The following CAGE1 variants were observed in gnomAD, a reference collection of about 807,000 sequenced individuals.
The protein encoded by CAGE1 is cancer antigen 1, also known as cancer-associated gene 1 protein.
CAGE1 carries 66 observed loss-of-function variants against 94.9 expected under a neutral mutation model. That is an observed-to-expected ratio of 0.70 (90% confidence interval 0.57 to 0.85). CAGE1 has a LOEUF of 0.85. Among genes scored for constraint, CAGE1 ranks in the 40% least tolerant of loss-of-function variants. CAGE1 has a pLI of 0.00. For missense variants in CAGE1, 865 were observed against 950.4 expected (o/e 0.91, Z 1.18); for synonymous variants, 319 against 321.0 (o/e 0.99, Z 0.07).
intron 7 of CAGE1, among the ~76,000 whole-genome samples, chr6:7,366,434 T>C (rs1470031586): frequency 6.6e-6 from 1 of 152,168 alleles, no homozygotes; most frequent in Non-Finnish European, 1.5e-5. Flanking sequence ...CAGAAAGTTT[T>C]CCACCATTCT....
At chr6:7,383,327 A>G (rs190768371) in intron 3 of CAGE1, among the ~76,000 whole-genome samples, 78 of 152,356 alleles carry the variant, frequency 5.1e-4, no homozygotes, top group African/African-American at 1.8e-3. Flanking sequence ...CACTTCTTTT[A>G]TAAGTTAGAA....
chr6:7,357,434 A>C (rs957397621), intron 9 of CAGE1, among the ~76,000 whole-genome samples: 3 of 152,134 alleles, frequency 2.0e-5, no homozygotes, highest in Non-Finnish European at 4.4e-5. Flanking sequence ...GCAATGTGGA[A>C]TTCCTTCTCA....
At position 7,342,011 on chromosome 6, in the gene CAGE1, T is replaced by C. The variant is rs1759195619; in HGVS notation, c.2370-7921A>G. 3 of 812,698 alleles carry C rather than the reference T, an allele frequency of 3.7e-6. No homozygotes were observed. The Admixed American group carries it at 5.2e-5, about 14-fold the overall frequency. 50.3% of individuals were successfully genotyped at this position (812,698 alleles called of 1,614,324 possible). On this transcript the variant is annotated intron_variant, in intron 11 of 13. Coordinates refer to ENST00000502583, the MANE Select transcript of CAGE1 (RefSeq NM_001170692.2). ...GTGCCAAGGTTAACGAAGCTCAAGG[T>C]GTTCTTGTCCTTATGATATTTGTCT... is the stretch of plus-strand genomic sequence containing the variant.
chr6:7,354,514 T>C (rs1227943441), intron 11 of CAGE1, among the ~76,000 whole-genome samples: 2 of 152,152 alleles, frequency 1.3e-5, no homozygotes, highest in African/African-American at 4.8e-5. Context: ...GCTCCAGTGA[T>C]AGCCAGCACA....
chr6:7,383,764 A>G (rs895021107), intron 3 of CAGE1, among the ~76,000 whole-genome samples: 3 of 152,222 alleles, frequency 2.0e-5, no homozygotes, highest in Non-Finnish European at 4.4e-5. Context: ...TGACATCTTT[A>G]CAATCTGAAC....
chr6:7,365,995 C>T (rs908723607), intron 7 of CAGE1, 111 bp from the exon 8 acceptor site: 6 of 641,132 alleles, frequency 9.4e-6, no homozygotes, highest in African/African-American at 7.4e-5. Flanking sequence ...CCTATAATCC[C>T]AGCACTTTGG....
intron 7 of CAGE1, among the ~76,000 whole-genome samples, chr6:7,368,052 A>C (rs1760410437): frequency 6.6e-6 from 1 of 151,978 alleles, no homozygotes; most frequent in East Asian, 1.9e-4. Context: ...ATTTCATTAA[A>C]TTCGGCCTGG....
At chr6:7,358,869 T>G (rs1760073212) in intron 9 of CAGE1, among the ~76,000 whole-genome samples, 1 of 152,154 alleles carries the variant, frequency 6.6e-6, no homozygotes, top group Non-Finnish European at 1.5e-5. Flanking sequence ...AGGTGTGTGT[T>G]TAACTTTTAA....
At chr6:7,385,307 C>G (rs914981355) in intron 3 of CAGE1, among the ~76,000 whole-genome samples, 3 of 143,758 alleles carry the variant, frequency 2.1e-5, no homozygotes, top group African/African-American at 7.7e-5. Context: ...GCCTGGCCCC[C>G]GCTTTTTTTT....
chr6:7,368,820 G>A (rs1760442046), intron 6 of CAGE1, 22 bp from the exon 7 acceptor site: 1 of 1,444,904 alleles, frequency 6.9e-7, no homozygotes, highest in Non-Finnish European at 9.3e-7. Flanking sequence ...AGTTTCAGAA[G>A]CTAGATGAAA....
chr6:7,340,788 G>T, intron 11 of CAGE1: 2 of 363,736 alleles, frequency 5.5e-6, no homozygotes, highest in Non-Finnish European at 1.1e-5. Context: ...CTACTCGTTG[G>T]GAGGCAGACA....
chr6:7,348,365 GAA>G (rs1431584458), intron 11 of CAGE1, among the ~76,000 whole-genome samples: 29 of 152,264 alleles, frequency 1.9e-4, no homozygotes, highest in Admixed American at 1.8e-3. Context: ...ACATCCCCAG[GAA>G]AAGAGGAAGA....
chr6:7,357,696 C>A (rs1169189667), intron 9 of CAGE1, among the ~76,000 whole-genome samples: 1 of 152,080 alleles, frequency 6.6e-6, no homozygotes, highest in African/African-American at 2.4e-5. Context: ...TGCTAACGTA[C>A]AAATTTTAAC....
In CAGE1 at chr6:7,326,786, G is replaced by A; in HGVS notation, c.*72C>T. On this transcript the variant is annotated 3_prime_UTR_variant, in exon 14 of 14. Transcript: ENST00000502583. ...TATATCATCTGCATGGATTGATTTG[G>A]CTAGCATATGTAGTAATGACTCTTC... The A allele has an allele frequency of 9.8e-7, 1 of 1,021,554 alleles. No homozygotes were observed. The highest frequency in any genetic ancestry group is 1.6e-6 in the Non-Finnish European group (1 of 644,124). 63.3% of individuals were successfully genotyped at this position (1,021,554 alleles called of 1,614,324 possible).
At chr6:7,336,746 GT>G (rs911580109) in intron 11 of CAGE1, among the ~76,000 whole-genome samples, 29 of 152,164 alleles carry the variant, frequency 1.9e-4, no homozygotes, top group African/African-American at 7.0e-4. Context: ...CTGGACTCAA[GT>G]GATCCTGTCA....
chr6:7,345,431 G>C (rs1324020144), intron 11 of CAGE1, among the ~76,000 whole-genome samples: 1 of 152,180 alleles, frequency 6.6e-6, no homozygotes, highest in African/African-American at 2.4e-5. Context: ...GCAGGGGTCT[G>C]TGGTTTCATT....
In CAGE1 at chr6:7,373,855, G is replaced by A. The variant is rs768327020; in HGVS notation, c.964C>T (p.Arg322Ter). ...TTACTACACTGGAGTTCTTGGATTC[G>A]CACTTCCTGCTTTCTGTTAGTATGT... is the stretch of plus-strand genomic sequence containing the variant. ...LKHTNRKQEV[R>*]IQELQCSNLY... Residue 322 changes from arginine to a stop codon, truncating the protein, a stop_gained, in exon 5 of 14, where the codon CGA (arginine) becomes TGA (stop). Transcript: ENST00000502583. LOFTEE classifies it high-confidence loss of function. 3.0e-5 allele frequency: 48 copies of A among 1,613,616 alleles called. No homozygotes were observed. The highest frequency in any genetic ancestry group is 5.3e-5 in the African/African-American group (4 of 74,876).
Position 7,389,196 on chromosome 6 carries a change from C to A in CAGE1, c.-24+6G>T. ...AAAGCTTTTTCAGTTGTAAGACAAA[C>A]TTTACCTTTTTAAAAAGCACTTATC... On this transcript the variant is annotated splice_donor_region_variant and intron_variant, in intron 1 of 13. Coordinates refer to ENST00000502583, the MANE Select transcript of CAGE1 (RefSeq NM_001170692.2). The A allele has an allele frequency of 2.2e-6, 1 of 451,688 alleles. No homozygotes were observed. The highest frequency in any genetic ancestry group is 1.6e-5 in the South Asian group (1 of 64,372). 28.0% of individuals were successfully genotyped at this position (451,688 alleles called of 1,614,324 possible). A position where few individuals can be genotyped will look rare whatever the true frequency, so the allele number is the denominator to read the frequency against.
chr6:7,376,368 G>A (rs758759373), intron 4 of CAGE1, among the ~76,000 whole-genome samples: 7 of 151,332 alleles, frequency 4.6e-5, no homozygotes, highest in Non-Finnish European at 8.8e-5. Flanking sequence ...CAGCCTGGGC[G>A]ACAGAGCGAG....
Sources: gnomAD v4.1 joint callset for allele counts (sites outside exome capture counted in the v4.1 genomes callset) on GRCh38, gnomAD v4.1.1 for gene constraint, MANE v1.5 for transcripts, NCBI Gene and HGNC (gene_info 2026-07-23, HGNC 2026-07-21) for gene names.